The following SUPT3H variants were observed in gnomAD, a reference collection of about 807,000 sequenced individuals.
SUPT3H encodes SPT3 homolog, SAGA and STAGA complex component, also known as transcription initiation protein SPT3 homolog.
In SUPT3H, 44 loss-of-function variants were observed where a neutral mutation model predicts 44.3. The ratio of observed to expected loss-of-function variants is 0.99; its 90% CI spans 0.78 to 1.28. The LOEUF (loss-of-function observed/expected upper bound fraction) is 1.28, where lower values mean the gene tolerates loss of function less well. Among genes scored for constraint, SUPT3H ranks in the 50% most tolerant of loss-of-function variants. The probability of loss-of-function intolerance (pLI) is 0.00; values close to 1 mark genes in which losing one functional copy is unlikely to be tolerated. For missense variants in SUPT3H, 380 were observed against 387.1 expected, an observed-to-expected ratio of 0.98 and a Z score of 0.15; for synonymous variants, 124 against 125.6, an observed-to-expected ratio of 0.99 and a Z score of 0.09.
chr6:45,317,227 CAAAAAAAAAAAAAA>C (rs70996324), intron 2 of SUPT3H, among the ~76,000 whole-genome samples: 2 of 36,084 alleles, frequency 5.5e-5, no homozygotes, highest in East Asian at 8.9e-4. Flanking sequence ...GACTCTGTCT[CAAAAAAAAAAAAAA>C]AAAAAAAAAA....
intron 10 of SUPT3H, among the ~76,000 whole-genome samples, chr6:44,864,803 TG>T (rs2153427101): frequency 6.6e-6 from 1 of 152,356 alleles, no homozygotes; most frequent in South Asian, 2.1e-4. Context: ...AGGGCTGCCA[TG>T]AAGACCTCTG....
At chr6:45,309,913 G>A (rs1235773966) in intron 2 of SUPT3H, among the ~76,000 whole-genome samples, 2 of 152,146 alleles carry the variant, frequency 1.3e-5, no homozygotes, top group Admixed American at 6.5e-5. Flanking sequence ...GTGAATGTTA[G>A]CTTCTGATCA....
chr6:45,254,382 G>C (rs1772985436), intron 2 of SUPT3H, among the ~76,000 whole-genome samples: 1 of 152,072 alleles, frequency 6.6e-6, no homozygotes, highest in Non-Finnish European at 1.5e-5. Flanking sequence ...TCAAATCTGT[G>C]CTCAGCAATT....
chr6:45,280,833 A>G (rs1777905503), intron 2 of SUPT3H, among the ~76,000 whole-genome samples: 1 of 104,952 alleles, frequency 9.5e-6, no homozygotes, highest in Non-Finnish European at 1.8e-5. Context: ...ATTTAAAAAT[A>G]TAACATGTTC....
chr6:44,931,300 C>T (rs530659055), intron 10 of SUPT3H, among the ~76,000 whole-genome samples: 66 of 152,194 alleles, frequency 4.3e-4, no homozygotes, highest in Non-Finnish European at 8.8e-4. Flanking sequence ...TTCTTTTTCC[C>T]TTCCACTGTC....
At chr6:45,250,645 T>G (rs1169804443) in intron 2 of SUPT3H, among the ~76,000 whole-genome samples, 1 of 151,594 alleles carries the variant, frequency 6.6e-6, no homozygotes, top group African/African-American at 2.4e-5. Context: ...AAGAAATAAT[T>G]CAAAAAAATT....
intron 2 of SUPT3H, among the ~76,000 whole-genome samples, chr6:45,362,980 AT>A (rs1264857629): frequency 1.3e-5 from 2 of 151,772 alleles, no homozygotes; most frequent in Non-Finnish European, 2.9e-5. Context: ...TTTTTTTAAT[AT>A]TTTATTTTTA....
intron 2 of SUPT3H, among the ~76,000 whole-genome samples, chr6:45,107,926 T>C (rs1294695971): frequency 6.6e-6 from 1 of 151,920 alleles, no homozygotes; most frequent in African/African-American, 2.4e-5. Context: ...AACAAAAATC[T>C]TACCAAATGC....
intron 2 of SUPT3H, among the ~76,000 whole-genome samples, chr6:45,200,495 TA>T (rs1762310896): frequency 6.6e-6 from 1 of 151,542 alleles, no homozygotes; most frequent in Non-Finnish European, 1.5e-5. Context: ...TAAAGCCTCA[TA>T]TTTTTTAGGT....
At chr6:44,876,835 T>A in intron 10 of SUPT3H, among the ~76,000 whole-genome samples, 2 of 59,620 alleles carry the variant, frequency 3.4e-5, no homozygotes, top group East Asian at 4.1e-4. Context: ...GATCTTCAAT[T>A]GAAAAAAAAA....
At chr6:44,917,313 A>G (rs1767969101) in intron 10 of SUPT3H, among the ~76,000 whole-genome samples, 1 of 152,190 alleles carries the variant, frequency 6.6e-6, no homozygotes, top group Non-Finnish European at 1.5e-5. Flanking sequence ...ATTTAGGATA[A>G]TCATTTTAAA....
chr6:45,090,412 C>G (rs1562438869), intron 3 of SUPT3H, among the ~76,000 whole-genome samples: 1 of 151,552 alleles, frequency 6.6e-6, no homozygotes. Flanking sequence ...AAAAAGAGAA[C>G]AAATAAATTA....
At chr6:45,234,570 T>C (rs1409855883) in intron 2 of SUPT3H, among the ~76,000 whole-genome samples, 1 of 150,440 alleles carries the variant, frequency 6.6e-6, no homozygotes, top group Non-Finnish European at 1.5e-5. Flanking sequence ...AAGAAATACA[T>C]ATATATATAC....
intron 2 of SUPT3H, among the ~76,000 whole-genome samples, chr6:45,218,089 A>T (rs1027641151): frequency 6.6e-6 from 1 of 152,158 alleles, no homozygotes; most frequent in Admixed American, 6.5e-5. Context: ...GAAATATACC[A>T]TTTAAAGGGG....
chr6:45,158,298 A>ATATATATATATATATATATATATATTTT, intron 2 of SUPT3H, among the ~76,000 whole-genome samples: 2 of 99,692 alleles, frequency 2.0e-5, no homozygotes, highest in Admixed American at 1.3e-4. Flanking sequence ...ATATATATAT[A>ATATATATATATATATATATATATATTTT]TTTTTTTTTT....
chr6:45,333,144 A>G (rs948406010), intron 2 of SUPT3H, among the ~76,000 whole-genome samples: 7 of 151,772 alleles, frequency 4.6e-5, no homozygotes, highest in African/African-American at 1.7e-4. Context: ...GAAGTCTCAC[A>G]TAATGAAATT....
At chr6:44,914,583 T>G (rs1234936583) in intron 10 of SUPT3H, among the ~76,000 whole-genome samples, 2 of 152,220 alleles carry the variant, frequency 1.3e-5, no homozygotes, top group South Asian at 2.1e-4. Context: ...TTGGCTGCCC[T>G]GCAGTTACCC....
chr6:45,172,553 G>GA (rs944508659), intron 2 of SUPT3H, among the ~76,000 whole-genome samples: 46 of 147,660 alleles, frequency 3.1e-4, no homozygotes, highest in African/African-American at 9.7e-4. Flanking sequence ...CTGAAAACAG[G>GA]AAAAAAAAAG....
At chr6:45,057,017 A>T (rs1791235968) in intron 3 of SUPT3H, among the ~76,000 whole-genome samples, 1 of 152,152 alleles carries the variant, frequency 6.6e-6, no homozygotes, top group Non-Finnish European at 1.5e-5. Flanking sequence ...AAGGTATTAT[A>T]AACATAGAAT....
Sources: allele counts gnomAD v4.1 joint callset (sites outside exome capture counted in the v4.1 genomes callset), GRCh38; gene constraint gnomAD v4.1.1; transcripts MANE v1.5; gene names NCBI Gene and HGNC (gene_info 2026-07-23, HGNC 2026-07-21).